The following ATP9A variants were observed in gnomAD, a reference collection of about 807,000 sequenced individuals.
The protein encoded by ATP9A is ATPase phospholipid transporting 9A, also known as probable phospholipid-transporting ATPase IIA.
A neutral mutation model predicts 144.1 loss-of-function variants in ATP9A; 52 were observed. The observed-to-expected ratio is 0.36, with a 90% CI of 0.29 to 0.45. The LOEUF (loss-of-function observed/expected upper bound fraction) is 0.45, where lower values mean the gene tolerates loss of function less well. ATP9A is among the 20% of genes least tolerant of loss of function. The pLI is 1.00. For missense variants in ATP9A, 947 were observed against 1,392.7 expected (o/e 0.68, Z 5.09); for synonymous variants, 582 against 557.4 (o/e 1.04, Z -0.62).
At chr20:51,618,915 C>G (rs752491301) in intron 20 of ATP9A, 39 bp downstream of exon 20, 4 of 1,610,270 alleles carry the variant, frequency 2.5e-6, no homozygotes, top group Admixed American at 3.3e-5. Flanking sequence ...AAGACCCAGG[C>G]TGCTGGGAGG....
At chr20:51,667,826 G>A (rs2077439048) in intron 13 of ATP9A, among the ~76,000 whole-genome samples, 1 of 151,786 alleles carries the variant, frequency 6.6e-6, no homozygotes, top group South Asian at 2.1e-4. Context: ...CCTTTGGGAG[G>A]TGAGGCGATC....
At chr20:51,691,740 G>A (rs911983617) in intron 7 of ATP9A, among the ~76,000 whole-genome samples, 9 of 152,090 alleles carry the variant, frequency 5.9e-5, no homozygotes, top group Non-Finnish European at 8.8e-5. Context: ...TTCCACCTCC[G>A]GCTATATACC....
chr20:51,628,921 G>T, intron 16 of ATP9A, 59 bp downstream of exon 16: 1 of 1,442,032 alleles, frequency 6.9e-7, no homozygotes, highest in Non-Finnish European at 9.7e-7. Flanking sequence ...ACCATGCAAG[G>T]GGCTGCCTCT....
chr20:51,739,925 A>G (rs1484745345), intron 1 of ATP9A, among the ~76,000 whole-genome samples: 2 of 152,240 alleles, frequency 1.3e-5, no homozygotes. Context: ...CAAGGAGGAC[A>G]GCAGAGACAA....
chr20:51,630,262 C>T (rs2077264998), intron 15 of ATP9A, among the ~76,000 whole-genome samples: 1 of 152,228 alleles, frequency 6.6e-6, no homozygotes, highest in Non-Finnish European at 1.5e-5. Context: ...CAATGATTCG[C>T]GTCACTGGGA....
At chr20:51,680,127 G>C (rs939493352) in intron 9 of ATP9A, among the ~76,000 whole-genome samples, 5 of 151,666 alleles carry the variant, frequency 3.3e-5, no homozygotes, top group Non-Finnish European at 5.9e-5. Context: ...CTACTGGGGA[G>C]GCCGACGCAG....
chr20:51,748,230 C>T (rs921315401), intron 1 of ATP9A, among the ~76,000 whole-genome samples: 1 of 152,108 alleles, frequency 6.6e-6, no homozygotes, highest in Non-Finnish European at 1.5e-5. Flanking sequence ...AGATCACTTA[C>T]AGCCAAAAGT....
At chr20:51,616,739 A>T (rs918084842) in intron 22 of ATP9A, among the ~76,000 whole-genome samples, 18 of 152,202 alleles carry the variant, frequency 1.2e-4, no homozygotes, top group Non-Finnish European at 2.1e-4. Flanking sequence ...GGAGAAAAAG[A>T]CAGAAAAAAT....
chr20:51,693,623 G>A (rs888477221), intron 7 of ATP9A, among the ~76,000 whole-genome samples: 2 of 152,022 alleles, frequency 1.3e-5, no homozygotes, highest in African/African-American at 2.4e-5. Flanking sequence ...CTGCAGCCTC[G>A]AACCCGCAGG....
At chr20:51,669,319 A>G (rs6067888) in intron 13 of ATP9A, among the ~76,000 whole-genome samples, 37,229 of 152,142 alleles carry the variant, frequency 0.24, 4,901 homozygotes, top group Non-Finnish European at 0.28. Context: ...ACACTTTAGG[A>G]ATATTAGGAT....
intron 26 of ATP9A, 131 bp downstream of exon 26, chr20:51,607,395 CT>C (rs1218639625): frequency 1.2e-5 from 9 of 758,222 alleles, no homozygotes; most frequent in Admixed American, 9.1e-5. Context: ...AGGGTCTCCC[CT>C]GGGTCCCACT....
At chr20:51,721,372 G>A (rs1335039232) in intron 3 of ATP9A, among the ~76,000 whole-genome samples, 1 of 152,172 alleles carries the variant, frequency 6.6e-6, no homozygotes, top group Non-Finnish European at 1.5e-5. Context: ...TGTAATCCTA[G>A]CACCTTGGAA....
At chr20:51,750,633 C>T (rs1372253628) in intron 1 of ATP9A, among the ~76,000 whole-genome samples, 1 of 152,164 alleles carries the variant, frequency 6.6e-6, no homozygotes, top group Admixed American at 6.5e-5. Context: ...CCCGACTGTC[C>T]TACATCAAGG....
intron 13 of ATP9A, among the ~76,000 whole-genome samples, chr20:51,667,640 G>A (rs1285815399): frequency 1.3e-5 from 2 of 152,166 alleles, no homozygotes. Flanking sequence ...TGATGGTACC[G>A]AGAGGCTCCT....
chr20:51,765,655 C>G (rs866429940), intron 1 of ATP9A, among the ~76,000 whole-genome samples: 2 of 77,910 alleles, frequency 2.6e-5, no homozygotes, highest in African/African-American at 5.3e-5. Flanking sequence ...AAAAAAAAAA[C>G]AGAATTAGAT....
intron 22 of ATP9A, among the ~76,000 whole-genome samples, chr20:51,615,820 G>A (rs1466334729): frequency 6.6e-6 from 1 of 152,122 alleles, no homozygotes; most frequent in South Asian, 2.1e-4. Context: ...ATTTTTAGTA[G>A]AGACGGGGTC....
chr20:51,609,495 T>C (rs1009408569), intron 24 of ATP9A, among the ~76,000 whole-genome samples: 2 of 152,076 alleles, frequency 1.3e-5, no homozygotes, highest in Admixed American at 1.3e-4. Context: ...TCCACCTACC[T>C]GGGTGATTCA....
Position 51,719,688 on chromosome 20 carries a change from G to A in ATP9A, c.327+6131C>T, listed in dbSNP as rs189131704. Reference sequence around the variant, plus strand: ...GCAGAGGTTGCAGTGAGCCAAGATCGCACCACTGCACTCCAGCCTGGCAAC... The same window carrying A: ...GCAGAGGTTGCAGTGAGCCAAGATCACACCACTGCACTCCAGCCTGGCAAC... On this transcript the variant is annotated intron_variant, in intron 3 of 27. Transcript: ENST00000338821. Among the ~76,000 whole-genome samples, 6 of 135,330 alleles carry A rather than the reference G, an allele frequency of 4.4e-5. No homozygotes were observed. The East Asian group carries it at 9.3e-4, about 21-fold the overall frequency. The allele number at this position is 135,330 out of a possible 152,430, so 88.8% of individuals were successfully genotyped here.
At chr20:51,712,127 C>T (rs1472144392) in intron 4 of ATP9A, among the ~76,000 whole-genome samples, 4 of 146,814 alleles carry the variant, frequency 2.7e-5, no homozygotes, top group African/African-American at 7.7e-5. Context: ...GGCTGGAGTG[C>T]AGTGGCGCGG....
Sources: allele counts gnomAD v4.1 joint callset (sites outside exome capture counted in the v4.1 genomes callset), GRCh38; gene constraint gnomAD v4.1.1; transcripts MANE v1.5; gene names NCBI Gene and HGNC (gene_info 2026-07-23, HGNC 2026-07-21).